WWOX: variants seen among roughly 807,000 people sequenced by gnomAD.
WWOX encodes the protein WW domain-containing oxidoreductase.
In WWOX, 69 loss-of-function variants were observed where a neutral mutation model predicts 46.2. The ratio of observed to expected loss-of-function variants is 1.49; its 90% CI spans 1.23 to 1.82. The LOEUF (loss-of-function observed/expected upper bound fraction) is 1.82, where lower values mean the gene tolerates loss of function less well. Ranked by LOEUF, WWOX falls within the 40% of genes most tolerant of loss-of-function variation. WWOX has a pLI of 0.00. For synonymous variants in WWOX, 359 were observed against 202.6 expected, an observed-to-expected ratio of 1.77 and a Z score of -6.56; for missense variants, 919 against 542.6, an observed-to-expected ratio of 1.69 and a Z score of -6.89.
intron 8 of WWOX, among the ~76,000 whole-genome samples, chr16:78,977,976 C>CATCT (rs3055609): frequency 0.79 from 119,840 of 151,770 alleles, 48,867 homozygotes; most frequent in Middle Eastern, 0.91. Context: ...GTAAATACCG[C>CATCT]ATCTATTTCC....
chr16:78,137,170 T>G (rs957815162), intron 4 of WWOX, among the ~76,000 whole-genome samples: 1 of 152,162 alleles, frequency 6.6e-6, no homozygotes, highest in Admixed American at 6.5e-5. Context: ...AGAAGATGCC[T>G]TTTTCCTCCT....
chr16:78,992,062 T>C (rs1399115142), intron 8 of WWOX, among the ~76,000 whole-genome samples: 1 of 152,204 alleles, frequency 6.6e-6, no homozygotes, highest in Non-Finnish European at 1.5e-5. Flanking sequence ...CATGCATTAA[T>C]TCGTTCATTC....
At chr16:78,530,174 G>A (rs540288105) in intron 8 of WWOX, among the ~76,000 whole-genome samples, 1 of 152,136 alleles carries the variant, frequency 6.6e-6, no homozygotes, top group Admixed American at 6.5e-5. Context: ...ATCTGGCAGG[G>A]GATGCCCGTG....
At chr16:78,527,052 T>TAC (rs1328391870) in intron 8 of WWOX, among the ~76,000 whole-genome samples, 1 of 152,068 alleles carries the variant, frequency 6.6e-6, no homozygotes, top group African/African-American at 2.4e-5. Context: ...TAATCCCTGC[T>TAC]ACACAGGAAG....
chr16:79,193,620 A>G (rs547893073), intron 8 of WWOX, among the ~76,000 whole-genome samples: 8 of 152,264 alleles, frequency 5.3e-5, no homozygotes, highest in Non-Finnish European at 1.2e-4. Context: ...CAACTTTTAA[A>G]AATATTGCAA....
chr16:78,615,352 A>C (rs1285881923), intron 8 of WWOX, among the ~76,000 whole-genome samples: 1 of 152,116 alleles, frequency 6.6e-6, no homozygotes, highest in East Asian at 1.9e-4. Context: ...TAGTTGGCTA[A>C]AAAGAAGTTG....
intron 8 of WWOX, among the ~76,000 whole-genome samples, chr16:78,739,484 A>G (rs1046836773): frequency 6.6e-6 from 1 of 152,134 alleles, no homozygotes; most frequent in Non-Finnish European, 1.5e-5. Context: ...TTGGGTGACA[A>G]CAGGTCGGTA....
chr16:78,548,798 C>A (rs905789668), intron 8 of WWOX, among the ~76,000 whole-genome samples: 3 of 152,106 alleles, frequency 2.0e-5, no homozygotes, highest in Non-Finnish European at 2.9e-5. Flanking sequence ...AAAATAAACG[C>A]CTTCATTTCA....
At chr16:78,833,877 G>A (rs1193054839) in intron 8 of WWOX, among the ~76,000 whole-genome samples, 1 of 152,248 alleles carries the variant, frequency 6.6e-6, no homozygotes, top group East Asian at 1.9e-4. Context: ...CTTCTCTATG[G>A]TACCATACAG....
intron 8 of WWOX, among the ~76,000 whole-genome samples, chr16:79,208,443 T>G (rs1005394044): frequency 6.6e-6 from 1 of 152,180 alleles, no homozygotes; most frequent in Admixed American, 6.5e-5. Flanking sequence ...GTCAAGGTAT[T>G]ATTATTTATC....
chr16:78,758,105 C>T (rs542694189), intron 8 of WWOX, among the ~76,000 whole-genome samples: 1 of 152,170 alleles, frequency 6.6e-6, no homozygotes, highest in Non-Finnish European at 1.5e-5. Flanking sequence ...TGAAATTTTT[C>T]TTTAAATCAA....
chr16:78,159,153 GTGTGTGTGTGTT>G (rs574738846), intron 4 of WWOX, among the ~76,000 whole-genome samples: 53 of 151,196 alleles, frequency 3.5e-4, no homozygotes, highest in Non-Finnish European at 5.9e-4. Context: ...GTGTGTTTGT[GTGTGTGTGTGTT>G]TGTGTGTGTG....
chr16:78,474,131 T>C (rs1458756252), intron 8 of WWOX, among the ~76,000 whole-genome samples: 1 of 152,278 alleles, frequency 6.6e-6, no homozygotes, highest in Non-Finnish European at 1.5e-5. Flanking sequence ...AAATGACTGT[T>C]ACACGTTTAT....
chr16:78,621,207 A>C (rs2046171971), intron 8 of WWOX, among the ~76,000 whole-genome samples: 1 of 152,172 alleles, frequency 6.6e-6, no homozygotes, highest in South Asian at 2.1e-4. Context: ...CATTAAAGTT[A>C]ATGGCCAGAA....
intron 8 of WWOX, among the ~76,000 whole-genome samples, chr16:78,754,630 C>G (rs1432206085): frequency 6.6e-6 from 1 of 152,076 alleles, no homozygotes; most frequent in African/African-American, 2.4e-5. Context: ...ATAAAAAAAG[C>G]ATGGAAACTG....
At chr16:78,559,288 G>T (rs955724820) in intron 8 of WWOX, among the ~76,000 whole-genome samples, 8 of 152,202 alleles carry the variant, frequency 5.3e-5, no homozygotes, top group African/African-American at 7.2e-5. Context: ...CTTCAGGGAA[G>T]AACGATGGAT....
At chr16:78,643,269 T>A (rs67195249) in intron 8 of WWOX, among the ~76,000 whole-genome samples, 19,533 of 152,250 alleles carry the variant, frequency 0.13, 1,373 homozygotes, top group South Asian at 0.21. Context: ...ATCAAATTTT[T>A]ACCATGTGCC....
chr16:79,095,072 T>C (rs1391429213), intron 8 of WWOX, among the ~76,000 whole-genome samples: 1 of 152,202 alleles, frequency 6.6e-6, no homozygotes, highest in Non-Finnish European at 1.5e-5. Context: ...TCACAATTTC[T>C]TGGATATTCT....
intron 4 of WWOX, among the ~76,000 whole-genome samples, chr16:78,140,475 G>C (rs1199519891): frequency 1.3e-5 from 2 of 152,124 alleles, no homozygotes; most frequent in East Asian, 1.9e-4. Flanking sequence ...TGAAATCAAG[G>C]TGTTGGTAGG....
Sources: allele counts gnomAD v4.1 joint callset (sites outside exome capture counted in the v4.1 genomes callset), GRCh38; gene constraint gnomAD v4.1.1; transcripts MANE v1.5; gene names NCBI Gene and HGNC (gene_info 2026-07-23, HGNC 2026-07-21).